Variants in SASH1 observed in about 807,000 individuals in gnomAD.
SASH1 encodes SAM and SH3 domain-containing protein 1.
Under a neutral mutation model 125.2 loss-of-function variants are expected in SASH1, and 44 were observed. The observed-to-expected ratio is 0.35, with a 90% confidence interval of 0.28 to 0.45. The LOEUF is 0.45. Ranked by LOEUF, SASH1 falls within the 20% of genes least tolerant of loss-of-function variation. The pLI is 1.00. For missense variants in SASH1, 1,426 were observed against 1,614.5 expected, an observed-to-expected ratio of 0.88 and a Z score of 2.00; for synonymous variants, 639 against 649.1, an observed-to-expected ratio of 0.98 and a Z score of 0.24.
chr6:148,199,338 A>AC, the SASH1 span, among the ~76,000 whole-genome samples: 87 of 149,770 alleles, frequency 5.8e-4, no homozygotes, highest in Middle Eastern at 7.0e-3. Flanking sequence ...TTGCCATTGC[A>AC]CTCCAGCCTG....
rs1351509607 is a variant in SASH1, at chr6:148,355,141, G to C, written c.156+11918G>C. ...GAGCCTACAGGAATTTGAAATCTTT[G>C]GGAAAGTCTGTAAAGACCATAAACA... On this transcript the variant is annotated intron_variant, in intron 1 of 19. Transcript: ENST00000367467. Among the ~76,000 whole-genome samples the C allele has an allele frequency of 2.0e-5, 3 of 152,114 alleles. No individual in the cohort carries two copies. In the East Asian group the frequency reaches 5.8e-4, roughly 29 times the overall value.
At chr6:148,305,855 G>A (rs916212233) in intron 1 of SASH1, among the ~76,000 whole-genome samples, 2 of 152,086 alleles carry the variant, frequency 1.3e-5, no homozygotes, top group African/African-American at 2.4e-5. Flanking sequence ...GGAGAAATTC[G>A]AGGAAACGGT....
rs200427643 is a variant in SASH1 at position 148,343,146 on chromosome 6, C to T, written c.79C>T (p.Pro27Ser). The change falls in exon 1 of 20, where the codon CCG becomes TCG. Residue 27 changes from proline (P) to serine (S), a missense_variant. By Grantham distance (74) the Pro-to-Ser change is moderately conservative. Transcript: ENST00000367467. Reference protein sequence around the residue: ...PEPEPEPAPEPEPEPKPGAGT... With the variant: ...PEPEPEPAPESEPEPKPGAGT... ...GCCGGAGCCCGAGCCCGCGCCGGAGCCGGAACCGGAGCCCAAGCCGGGTGC... is the reference window on the plus strand; with the variant it reads ...GCCGGAGCCCGAGCCCGCGCCGGAGTCGGAACCGGAGCCCAAGCCGGGTGC... 1 of 1,598,850 alleles carries T rather than the reference C, an allele frequency of 6.3e-7. No homozygotes were observed.
intron 1 of SASH1, among the ~76,000 whole-genome samples, chr6:148,360,430 C>T (rs2114702702): frequency 6.6e-6 from 1 of 151,788 alleles, no homozygotes; most frequent in East Asian, 1.9e-4. Context: ...TCACTGCAAC[C>T]TCCACCTCCT....
rs776520186 is a variant in SASH1, at chr6:148,544,810, T to A, written c.3340T>A (p.Ser1114Thr). ...CATCGATCTCACGGAGGAGCCGTAT[T>A]CTGATAAGGTATCAAAGGTCCTGGG... ...EGIDLTEEPY[S>T]DKHGRCGIPE... The change falls in exon 18 of 20, where the codon TCT becomes ACT. Residue 1114 changes from serine (S) to threonine (T), a missense_variant. Ser to Thr is a moderately conservative substitution (Grantham distance 58, BLOSUM62 1). This residue lies in a region of SASH1 where 634 missense variants were observed against 694.4 expected (regional missense o/e 0.91). Coordinates refer to ENST00000367467, the MANE Select transcript of SASH1 (RefSeq NM_015278.5). This position sits in a 1 kb window ranked among gnomAD's most constrained non-coding sequence, Gnocchi z 6.4. 1.9e-6 allele frequency: 3 copies of A among 1,586,226 alleles called. No homozygotes were observed. Among genetic ancestry groups the A allele is most frequent in the Non-Finnish European group, 2.6e-6 (3 of 1,165,630 alleles).
At chr6:148,307,050 TTCTTTCTTTCTTTC>T (rs1780153023) in intron 1 of SASH1, among the ~76,000 whole-genome samples, 1 of 141,020 alleles carries the variant, frequency 7.1e-6, no homozygotes, top group Non-Finnish European at 1.5e-5. Flanking sequence ...CTTTCTTTCT[TTCTTTCTTTCTTTC>T]TTTCTTTCTT....
chr6:148,317,995 A>C (rs1013522317), intron 1 of SASH1, among the ~76,000 whole-genome samples: 1 of 152,134 alleles, frequency 6.6e-6, no homozygotes, highest in Non-Finnish European at 1.5e-5. Flanking sequence ...TAATACTAGC[A>C]AGTATTTACA....
chr6:148,519,879 T>A lies in SASH1; in HGVS notation c.1195T>A (p.Ser399Thr). The A allele has an allele frequency of 6.4e-7, 1 of 1,574,606 alleles. No individual in the cohort carries two copies. Residue 399 changes from serine to threonine, a missense_variant, in exon 10 of 20, where the codon TCC becomes ACC. Ser to Thr is a moderately conservative substitution (Grantham distance 58, BLOSUM62 1). This residue lies in a region of SASH1 where 567 missense variants were observed against 575.6 expected (regional missense o/e 0.99). Transcript: ENST00000367467. This position sits in a 1 kb window ranked among gnomAD's most constrained non-coding sequence, Gnocchi z 4.8. ...GGGGGAGATGAAGAAGGGTCTCGGG[T>A]CCCTAAGCCACGGGGTAAGTACGGA... ...TEGEMKKGLG[S>T]LSHGRTCSFG...
intron 1 of SASH1, among the ~76,000 whole-genome samples, chr6:148,360,699 C>A (rs913049379): frequency 4.5e-4 from 67 of 148,614 alleles, no homozygotes; most frequent in African/African-American, 1.6e-3. Flanking sequence ...GAATGGATGA[C>A]CTAGTAATAA....
intron 1 of SASH1, among the ~76,000 whole-genome samples, chr6:148,278,153 C>T (rs1290991597): frequency 6.6e-6 from 1 of 152,182 alleles, no homozygotes; most frequent in African/African-American, 2.4e-5. Context: ...GATTCTCCTG[C>T]CTCAGCCTGT....
chr6:148,402,931 A>T (rs6570848), intron 2 of SASH1, among the ~76,000 whole-genome samples: 45,030 of 151,922 alleles, frequency 0.3, 6,893 homozygotes, highest in South Asian at 0.41. Flanking sequence ...TTTTAAAAGC[A>T]CATTAGAGTT....
chr6:148,400,027 T>C (rs988107096), intron 2 of SASH1, among the ~76,000 whole-genome samples: 3 of 152,260 alleles, frequency 2.0e-5, no homozygotes, highest in Non-Finnish European at 2.9e-5. Context: ...TATAGGCTAT[T>C]TAAAAATGTT....
chr6:148,391,409 A>G (rs1238405002), intron 2 of SASH1, among the ~76,000 whole-genome samples: 1 of 147,174 alleles, frequency 6.8e-6, no homozygotes, highest in East Asian at 2.0e-4. Flanking sequence ...CGTCCGGCCT[A>G]AAGACACTTT....
chr6:148,223,275 C>T, the SASH1 span, among the ~76,000 whole-genome samples: 2 of 152,194 alleles, frequency 1.3e-5, no homozygotes, highest in African/African-American at 2.4e-5. Flanking sequence ...TGTGACCCCC[C>T]TCAGAGGCCT....
intron 8 of SASH1, among the ~76,000 whole-genome samples, chr6:148,500,924 C>T (rs547968584): frequency 6.6e-6 from 1 of 152,076 alleles, no homozygotes; most frequent in African/African-American, 2.4e-5. Context: ...CCACAAAGAA[C>T]CTTTCTAGCT....
intron 1 of SASH1, among the ~76,000 whole-genome samples, chr6:148,321,766 C>T (rs1780639435): frequency 6.6e-6 from 1 of 152,112 alleles, no homozygotes; most frequent in Admixed American, 6.6e-5. Context: ...GGCATAGCAT[C>T]AGGGAAATGT....
At chr6:148,280,069 C>T (rs1779296440) in intron 1 of SASH1, among the ~76,000 whole-genome samples, 1 of 125,510 alleles carries the variant, frequency 8.0e-6, no homozygotes, top group South Asian at 2.9e-4. Context: ...TCCCCCCCAT[C>T]ATTCCCCCCC....
chr6:148,232,227 A>T, the SASH1 span, among the ~76,000 whole-genome samples: 1 of 152,170 alleles, frequency 6.6e-6, no homozygotes, highest in Non-Finnish European at 1.5e-5. Context: ...GTTACCAAAG[A>T]TGAGTTTGAG....
chr6:148,255,778 G>A, the SASH1 span, among the ~76,000 whole-genome samples: 42,045 of 151,892 alleles, frequency 0.28, 5,961 homozygotes, highest in East Asian at 0.43. Context: ...GAGTAGCTGG[G>A]ACTACAGGTG....
Sources: allele counts gnomAD v4.1 joint callset (sites outside exome capture counted in the v4.1 genomes callset), GRCh38; gene constraint gnomAD v4.1.1; regional missense constraint gnomAD v4.1.1; non-coding constraint Gnocchi (gnomAD v3.1); transcripts MANE v1.5; gene names NCBI Gene and HGNC (gene_info 2026-07-23, HGNC 2026-07-21).